The following MAPKAP1 variants were observed in gnomAD, a reference collection of about 807,000 sequenced individuals.
MAPKAP1 encodes the protein MAPK associated protein 1, also known as target of rapamycin complex 2 subunit MAPKAP1.
MAPKAP1 carries 20 observed loss-of-function variants against 65.7 expected under a neutral mutation model. That is an observed-to-expected ratio of 0.30 (90% CI 0.21 to 0.44). MAPKAP1 has a LOEUF of 0.44. MAPKAP1 is among the 20% of genes least tolerant of loss of function. The pLI is 1.00. For missense variants in MAPKAP1, 423 were observed against 648.0 expected (o/e 0.65, Z 3.77); for synonymous variants, 222 against 244.3 (o/e 0.91, Z 0.85).
intron 10 of MAPKAP1, among the ~76,000 whole-genome samples, chr9:125,446,296 A>C (rs933877537): frequency 2.3e-4 from 35 of 152,184 alleles, no homozygotes; most frequent in Admixed American, 1.9e-3. Context: ...TAAATTGAAA[A>C]AATTACCTAA....
intron 10 of MAPKAP1, among the ~76,000 whole-genome samples, chr9:125,453,297 C>T (rs974046333): frequency 6.6e-6 from 1 of 152,356 alleles, no homozygotes; most frequent in East Asian, 1.9e-4. Flanking sequence ...TACTCCTGAC[C>T]TCAGATGATC....
At chr9:125,633,840 C>A (rs2131692577) in intron 4 of MAPKAP1, among the ~76,000 whole-genome samples, 1 of 152,266 alleles carries the variant, frequency 6.6e-6, no homozygotes, top group South Asian at 2.1e-4. Flanking sequence ...CTCATGCATC[C>A]TAAATGCATG....
chr9:125,657,001 C>T (rs911585644), intron 4 of MAPKAP1, among the ~76,000 whole-genome samples: 5 of 152,180 alleles, frequency 3.3e-5, no homozygotes, highest in Admixed American at 2.6e-4. Flanking sequence ...TAGCAAGTGT[C>T]AAGATCCCCC....
rs1025102022 is a variant in MAPKAP1 at position 125,616,178 on chromosome 9, G to GA, written c.499-30452dup. ...GCCACAACAACTGATTAACCACACA[G>GA]AAAAAAACAGAAATCAGACCTCTAC... On this transcript the variant is annotated intron_variant, in intron 4 of 11. Coordinates refer to ENST00000265960, the MANE Select transcript of MAPKAP1 (RefSeq NM_001006617.3). Among the ~76,000 whole-genome samples, 37 of 151,996 alleles carry GA rather than the reference G, an allele frequency of 2.4e-4. 1 individual carries two copies. The highest frequency in any genetic ancestry group is 6.8e-3 in the Middle Eastern group (2 of 294).
At chr9:125,562,748 C>T (rs750997058) in intron 5 of MAPKAP1, among the ~76,000 whole-genome samples, 1 of 152,218 alleles carries the variant, frequency 6.6e-6, no homozygotes, top group African/African-American at 2.4e-5. Flanking sequence ...TGAAACTTCA[C>T]ATCAACTTTG....
intron 7 of MAPKAP1, among the ~76,000 whole-genome samples, chr9:125,514,211 A>T (rs1030544417): frequency 1.3e-5 from 2 of 151,982 alleles, no homozygotes; most frequent in Non-Finnish European, 2.9e-5. Context: ...CCTGGTTCAG[A>T]TGTTTCCACC....
At chr9:125,473,485 T>C (rs1376732477) in intron 9 of MAPKAP1, among the ~76,000 whole-genome samples, 3 of 152,186 alleles carry the variant, frequency 2.0e-5, no homozygotes, top group Non-Finnish European at 1.5e-5. Flanking sequence ...CTGATTGCTG[T>C]CCTACATCAA....
intron 7 of MAPKAP1, among the ~76,000 whole-genome samples, chr9:125,513,911 G>A (rs1829383714): frequency 6.6e-6 from 1 of 152,136 alleles, no homozygotes. Flanking sequence ...TAAGATTAGA[G>A]ACTTGCTCAG....
chr9:125,633,209 C>T (rs563018875), intron 4 of MAPKAP1, among the ~76,000 whole-genome samples: 22 of 152,192 alleles, frequency 1.4e-4, no homozygotes, highest in South Asian at 6.2e-4. Context: ...ACAGCGCCAA[C>T]AGAGCTTGGT....
intron 7 of MAPKAP1, among the ~76,000 whole-genome samples, chr9:125,542,709 T>C (rs1170537763): frequency 6.6e-6 from 1 of 152,168 alleles, no homozygotes; most frequent in Non-Finnish European, 1.5e-5. Context: ...TGTGAAAACA[T>C]GAAATTAATA....
At position 125,707,197 on chromosome 9, in the gene MAPKAP1, G is replaced by C. The variant is rs543651566; in HGVS notation, c.-296C>G. On this transcript the variant is annotated 5_prime_UTR_variant, in exon 1 of 12. Coordinates refer to ENST00000265960, the MANE Select transcript of MAPKAP1 (RefSeq NM_001006617.3). ...CCGAGCAGCAGCCCTATTACCCCGA[G>C]CCGCACACGACCCGGAACCACACCC... The C allele has an allele frequency of 2.5e-6, 1 of 398,182 alleles. No individual in the cohort carries two copies. Among genetic ancestry groups the C allele is most frequent in the Admixed American group, 4.4e-5 (1 of 22,732 alleles). The allele number at this position is 398,182 out of a possible 1,614,324, so 24.7% of individuals were successfully genotyped here.
chr9:125,547,427 T>C (rs1830459620), intron 6 of MAPKAP1, among the ~76,000 whole-genome samples: 1 of 152,190 alleles, frequency 6.6e-6, no homozygotes, highest in Non-Finnish European at 1.5e-5. Context: ...TGCTGTAACA[T>C]GTGGGAACCT....
At chr9:125,451,691 G>T (rs1012648212) in intron 10 of MAPKAP1, among the ~76,000 whole-genome samples, 3 of 151,930 alleles carry the variant, frequency 2.0e-5, no homozygotes, top group Non-Finnish European at 4.4e-5. Context: ...TTTATCTTCC[G>T]TCCCTCTCTA....
At chr9:125,666,825 T>C (rs1834352662) in intron 3 of MAPKAP1, among the ~76,000 whole-genome samples, 1 of 152,140 alleles carries the variant, frequency 6.6e-6, no homozygotes, top group Admixed American at 6.5e-5. Context: ...ACACCCAGAG[T>C]GCCAAGCTAT....
In MAPKAP1 at chr9:125,605,012, C is replaced by T. The variant is rs1832402086; in HGVS notation, c.499-19285G>A. 4.6e-5 allele frequency among the ~76,000 whole-genome samples: 7 copies of T among 152,274 alleles called. No homozygotes were observed. In the South Asian group the frequency reaches 1.5e-3, roughly 32 times the overall value. On this transcript the variant is annotated intron_variant, in intron 4 of 11. Transcript: ENST00000265960. ...GACAGTGGGAACAAAAATACTATTGCATTTATTATTTAGTTAATTAAATGA... is the reference window on the plus strand; with the variant it reads ...GACAGTGGGAACAAAAATACTATTGTATTTATTATTTAGTTAATTAAATGA...
At chr9:125,690,553 C>T (rs1835135163) in intron 1 of MAPKAP1, among the ~76,000 whole-genome samples, 1 of 152,284 alleles carries the variant, frequency 6.6e-6, no homozygotes, top group South Asian at 2.1e-4. Context: ...CAGTGCCTAC[C>T]TCATAGGATT....
intron 7 of MAPKAP1, among the ~76,000 whole-genome samples, chr9:125,526,430 C>G (rs1424430215): frequency 1.3e-5 from 2 of 152,222 alleles, no homozygotes; most frequent in African/African-American, 2.4e-5. Flanking sequence ...GAGTATCCAG[C>G]TAATAGCTTA....
At chr9:125,602,977 C>T (rs764527738) in intron 4 of MAPKAP1, among the ~76,000 whole-genome samples, 5 of 152,318 alleles carry the variant, frequency 3.3e-5, no homozygotes, top group Non-Finnish European at 7.4e-5. Context: ...TCACTGCATA[C>T]TTGACCTCCT....
intron 4 of MAPKAP1, among the ~76,000 whole-genome samples, chr9:125,611,299 A>G (rs2131630308): frequency 6.6e-6 from 1 of 152,342 alleles, no homozygotes; most frequent in Admixed American, 6.5e-5. Context: ...AACAACTAAA[A>G]TTGGAAATGC....
Sources: gnomAD v4.1 joint callset for allele counts (sites outside exome capture counted in the v4.1 genomes callset) on GRCh38, gnomAD v4.1.1 for gene constraint, MANE v1.5 for transcripts, NCBI Gene and HGNC (gene_info 2026-07-23, HGNC 2026-07-21) for gene names.